Variants in IQCM observed in about 807,000 individuals in gnomAD.
IQCM encodes the protein IQ domain-containing protein M.
A neutral mutation model predicts 57.6 loss-of-function variants in IQCM; 45 were observed. The ratio of observed to expected loss-of-function variants is 0.78; its 90% CI spans 0.62 to 1.00. The LOEUF (loss-of-function observed/expected upper bound fraction) is 1.00, where lower values mean the gene tolerates loss of function less well. Among genes scored for constraint, IQCM ranks in the 50% least tolerant of loss-of-function variants. The pLI is 0.00. For synonymous variants in IQCM, 148 were observed against 158.9 expected, an observed-to-expected ratio of 0.93 and a Z score of 0.51; for missense variants, 468 against 511.6, an observed-to-expected ratio of 0.91 and a Z score of 0.82.
At chr4:149,783,528 T>C (rs1422871543) in intron 2 of IQCM, among the ~76,000 whole-genome samples, 1 of 152,126 alleles carries the variant, frequency 6.6e-6, no homozygotes, top group East Asian at 1.9e-4. Context: ...ATATCAAAAT[T>C]CAGATCAAGT....
At chr4:149,765,910 C>T (rs1437314220) in intron 2 of IQCM, among the ~76,000 whole-genome samples, 1 of 151,992 alleles carries the variant, frequency 6.6e-6, no homozygotes, top group Admixed American at 6.6e-5. Context: ...AACTGACTCG[C>T]ACCCAAGAAA....
chr4:149,368,349 A>G (rs934806678), intron 13 of IQCM, among the ~76,000 whole-genome samples: 2 of 152,032 alleles, frequency 1.3e-5, no homozygotes, highest in African/African-American at 4.8e-5. Flanking sequence ...AGAATTATTA[A>G]TATGGTATCA....
At chr4:149,715,246 G>A (rs913489183) in intron 5 of IQCM, among the ~76,000 whole-genome samples, 2 of 152,170 alleles carry the variant, frequency 1.3e-5, no homozygotes, top group Non-Finnish European at 2.9e-5. Flanking sequence ...TGCCAAGGGT[G>A]AGCCAGGCAT....
chr4:149,678,903 G>T (rs1309677611), intron 7 of IQCM, among the ~76,000 whole-genome samples: 1 of 151,584 alleles, frequency 6.6e-6, no homozygotes, highest in Non-Finnish European at 1.5e-5. Flanking sequence ...ATGATATGAA[G>T]AAAGAGAAAC....
At chr4:149,718,475 A>C (rs2149847707) in intron 5 of IQCM, among the ~76,000 whole-genome samples, 1 of 152,384 alleles carries the variant, frequency 6.6e-6, no homozygotes, top group South Asian at 2.1e-4. Flanking sequence ...TGAAACAATT[A>C]GCCTATTGAT....
At chr4:149,613,474 G>T (rs1755488498) in intron 8 of IQCM, among the ~76,000 whole-genome samples, 1 of 151,920 alleles carries the variant, frequency 6.6e-6, no homozygotes, top group Non-Finnish European at 1.5e-5. Context: ...AGAGAAAAAT[G>T]AAAAATTTCG....
chr4:149,790,177 A>G (rs959784251), intron 2 of IQCM: 7 of 458,878 alleles, frequency 1.5e-5, no homozygotes, highest in Non-Finnish European at 1.6e-5. Flanking sequence ...ATGAAGAGAA[A>G]GTTTGGGAAG....
At chr4:149,580,026 C>A (rs574361843) in intron 9 of IQCM, among the ~76,000 whole-genome samples, 2 of 151,890 alleles carry the variant, frequency 1.3e-5, no homozygotes, top group African/African-American at 4.8e-5. Context: ...ACAAGCAGAT[C>A]AGTATCACCT....
At chr4:149,561,762 T>C (rs1750141684) in intron 10 of IQCM, among the ~76,000 whole-genome samples, 1 of 152,008 alleles carries the variant, frequency 6.6e-6, no homozygotes, top group African/African-American at 2.4e-5. Flanking sequence ...AATAGAAAAA[T>C]AAAGAGTACG....
intron 3 of IQCM, among the ~76,000 whole-genome samples, chr4:149,740,493 C>A (rs1169471722): frequency 1.3e-5 from 2 of 152,062 alleles, no homozygotes; most frequent in Non-Finnish European, 2.9e-5. Flanking sequence ...CACCAACACC[C>A]CCTACCGCTA....
Position 149,705,497 on chromosome 4 carries a change from A to T in IQCM, c.386-19029T>A, listed in dbSNP as rs555574250. Among the ~76,000 whole-genome samples, 5 of 151,892 alleles carry T rather than the reference A, an allele frequency of 3.3e-5. No homozygotes were observed. The South Asian group carries it at 1.0e-3, about 31-fold the overall frequency. The stretch of plus-strand genomic sequence containing the variant: ...CATCAGAGGGTAGGTATCTCTCTCC[A>T]TTACAGCACGACTTGAGTTGGCATA... On this transcript the variant is annotated intron_variant, in intron 5 of 13. Transcript: ENST00000636793.
intron 2 of IQCM, among the ~76,000 whole-genome samples, chr4:149,807,244 C>T (rs1489684431): frequency 2.0e-5 from 3 of 151,906 alleles, no homozygotes; most frequent in Non-Finnish European, 2.9e-5. Context: ...TATCACACTA[C>T]CTAATTTCAA....
chr4:149,574,513 A>C (rs1045873492), intron 9 of IQCM, among the ~76,000 whole-genome samples: 1 of 151,950 alleles, frequency 6.6e-6, no homozygotes, highest in Non-Finnish European at 1.5e-5. Flanking sequence ...GAAGTTTGAC[A>C]AATCTGTGCT....
At chr4:149,454,191 C>T (rs1272265341) in intron 12 of IQCM, among the ~76,000 whole-genome samples, 5 of 149,610 alleles carry the variant, frequency 3.3e-5, no homozygotes, top group African/African-American at 1.2e-4. Flanking sequence ...CACACACACA[C>T]ACACATATAA....
chr4:149,666,645 C>T (rs1479965251), intron 7 of IQCM, among the ~76,000 whole-genome samples: 2 of 152,124 alleles, frequency 1.3e-5, no homozygotes, highest in Non-Finnish European at 2.9e-5. Flanking sequence ...TGGATCCTAC[C>T]CCTACAGAGC....
At chr4:149,807,738 G>C (rs1774215059) in intron 2 of IQCM, among the ~76,000 whole-genome samples, 1 of 151,766 alleles carries the variant, frequency 6.6e-6, no homozygotes, top group South Asian at 2.1e-4. Context: ...ATAGCAAAAA[G>C]AACAAATAAT....
intron 12 of IQCM, among the ~76,000 whole-genome samples, chr4:149,484,095 G>T (rs761262688): frequency 1.3e-5 from 2 of 151,804 alleles, no homozygotes; most frequent in African/African-American, 4.8e-5. Flanking sequence ...ATCTGATATA[G>T]GTATAGCTAC....
At chr4:149,726,136 AAAG>A (rs1765913822) in intron 5 of IQCM, among the ~76,000 whole-genome samples, 1 of 146,722 alleles carries the variant, frequency 6.8e-6, no homozygotes, top group East Asian at 2.0e-4. Context: ...AGAAAGAAAG[AAAG>A]AAAAGAAAGA....
At chr4:149,390,270 T>C (rs1221190282) in intron 13 of IQCM, among the ~76,000 whole-genome samples, 1 of 152,060 alleles carries the variant, frequency 6.6e-6, no homozygotes, top group Non-Finnish European at 1.5e-5. Context: ...TAATTACTGA[T>C]ATATAGAAAT....
Sources: gnomAD v4.1 joint callset for allele counts (sites outside exome capture counted in the v4.1 genomes callset) on GRCh38, gnomAD v4.1.1 for gene constraint, MANE v1.5 for transcripts, NCBI Gene and HGNC (gene_info 2026-07-23, HGNC 2026-07-21) for gene names.